CENPP: variants seen among roughly 807,000 people sequenced by gnomAD.
CENPP encodes centromere protein P.
Under a neutral mutation model 35.6 loss-of-function variants are expected in CENPP, and 24 were observed. The observed-to-expected ratio is 0.67, with a 90% confidence interval of 0.49 to 0.95. The LOEUF (loss-of-function observed/expected upper bound fraction) is 0.95, where lower values mean the gene tolerates loss of function less well. CENPP is among the 40% of genes least tolerant of loss of function. The pLI, the probability that CENPP is intolerant of heterozygous loss-of-function variation, is 0.00. For missense variants in CENPP, 332 were observed against 345.3 expected (o/e 0.96, Z 0.31); for synonymous variants, 120 against 125.5 (o/e 0.96, Z 0.29).
At chr9:92,516,064 CTTTT>C (rs869200958) in intron 5 of CENPP, among the ~76,000 whole-genome samples, 8 of 148,730 alleles carry the variant, frequency 5.4e-5, no homozygotes, top group African/African-American at 1.7e-4. Flanking sequence ...ACAGTGCATA[CTTTT>C]TTTTCCCCCC....
At chr9:92,577,470 G>A (rs1013711072) in intron 5 of CENPP, among the ~76,000 whole-genome samples, 2 of 152,148 alleles carry the variant, frequency 1.3e-5, no homozygotes, top group Non-Finnish European at 2.9e-5. Context: ...CAACACCATG[G>A]AGCTACATAC....
intron 4 of CENPP, among the ~76,000 whole-genome samples, chr9:92,367,685 TC>T (rs1841919950): frequency 1.3e-5 from 2 of 152,270 alleles, no homozygotes; most frequent in South Asian, 4.1e-4. Flanking sequence ...TGGTGCGATC[TC>T]GGCTCACTGC....
intron 5 of CENPP, among the ~76,000 whole-genome samples, chr9:92,465,227 A>T (rs1440923946): frequency 6.6e-6 from 1 of 152,218 alleles, no homozygotes; most frequent in Non-Finnish European, 1.5e-5. Flanking sequence ...GCTTTGTATT[A>T]TGTAAACTGG....
At chr9:92,383,928 T>G (rs1178949987) in intron 5 of CENPP, 1 of 152,196 alleles carries the variant, frequency 6.6e-6, no homozygotes, top group African/African-American at 2.4e-5. Flanking sequence ...AAGATTATGA[T>G]AGTTTAAAGA....
At chr9:92,607,163 A>C (rs981832940) in intron 5 of CENPP, among the ~76,000 whole-genome samples, 3 of 152,040 alleles carry the variant, frequency 2.0e-5, no homozygotes, top group African/African-American at 4.8e-5. Flanking sequence ...TCATTAGAGT[A>C]AATTTTTGTA....
chr9:92,438,691 G>T (rs1192451361), intron 5 of CENPP, among the ~76,000 whole-genome samples: 1 of 152,196 alleles, frequency 6.6e-6, no homozygotes. Flanking sequence ...GGTGGTTCTT[G>T]CCTGGAATCC....
chr9:92,460,484 CT>C (rs1479136417), intron 5 of CENPP: 1 of 1,590,292 alleles, frequency 6.3e-7, no homozygotes, highest in South Asian at 1.1e-5. Flanking sequence ...CTTTGTAGTT[CT>C]TTGTATCGTT....
intron 5 of CENPP, among the ~76,000 whole-genome samples, chr9:92,595,651 C>T (rs1850763330): frequency 2.0e-5 from 3 of 151,384 alleles, no homozygotes; most frequent in African/African-American, 7.3e-5. Flanking sequence ...CTGCAACCTC[C>T]GTCTCCTGGG....
chr9:92,416,058 G>GTGTGTGTATATATATATATATATA (rs6151074), intron 5 of CENPP, among the ~76,000 whole-genome samples: 3 of 130,914 alleles, frequency 2.3e-5, no homozygotes, highest in East Asian at 2.2e-4. Context: ...ATATATGTGT[G>GTGTGTGTATATATATATATATATA]TATATATATA....
In CENPP at chr9:92,495,917, AT is replaced by A. The variant is rs1846321262; in HGVS notation, c.565-115395del. ...AATTCTGCCTGCTTTTTTTGTTGTC[AT>A]TATGCTTCTTAATCTTGAACCAAAA... On this transcript the variant is annotated intron_variant, in intron 5 of 7. Coordinates refer to ENST00000375587, the MANE Select transcript of CENPP (RefSeq NM_001012267.3). 5.1e-6 allele frequency: 5 copies of A among 985,410 alleles called. No homozygotes were observed. In the South Asian group the frequency reaches 1.9e-4, roughly 37 times the overall value. 61.0% of individuals were successfully genotyped at this position (985,410 alleles called of 1,614,324 possible). A position where few individuals can be genotyped will look rare whatever the true frequency, so the allele number is the denominator to read the frequency against.
At chr9:92,325,837 C>T (rs1040041325), upstream of CENPP, 2 of 567,744 alleles carry the variant, frequency 3.5e-6, no homozygotes, top group Admixed American at 6.4e-5. Context: ...CGGAGTTGGA[C>T]GTGCAGGGCC....
rs76966531 is a variant in CENPP, at chr9:92,363,539, A to G, written c.468-16224A>G. 4.2e-4 allele frequency among the ~76,000 whole-genome samples: 64 copies of G among 152,294 alleles called. 1 individual carries two copies. In the East Asian group the frequency reaches 0.012, roughly 29 times the overall value. ...ATAGCCTCGGTTTGCAGTAGGCTGT[A>G]CCATTTAGGTTTAAGTACACTGTAT... On this transcript the variant is annotated intron_variant, in intron 4 of 7. Transcript: ENST00000375587.
rs1842601459 is a variant in CENPP, at chr9:92,389,940, G to A, written c.564+10081G>A. The A allele has an allele frequency of 1.2e-6, 2 of 1,612,504 alleles. No individual in the cohort carries two copies. Among genetic ancestry groups the A allele is most frequent in the Admixed American group, 3.3e-5 (2 of 59,986 alleles). On this transcript the variant is annotated intron_variant, in intron 5 of 7. Coordinates refer to ENST00000375587, the MANE Select transcript of CENPP (RefSeq NM_001012267.3). ...GTGAGCTTGGGAGGAAGAACTGGAA[G>A]TTTTAGTAGTTGATTTTCAGCAAGT...
intron 4 of CENPP, among the ~76,000 whole-genome samples, chr9:92,356,813 A>G (rs1248759974): frequency 6.6e-6 from 1 of 152,214 alleles, no homozygotes; most frequent in Admixed American, 6.5e-5. Context: ...TTGGGAACTG[A>G]TAAATGTCCA....
chr9:92,425,337 G>T (rs546354430), intron 5 of CENPP, among the ~76,000 whole-genome samples: 4 of 152,116 alleles, frequency 2.6e-5, no homozygotes, highest in African/African-American at 9.7e-5. Flanking sequence ...CTGTAGTATT[G>T]AATAAAATGG....
At chr9:92,494,272 T>G in intron 5 of CENPP, 1 of 844,500 alleles carries the variant, frequency 1.2e-6, no homozygotes, top group Middle Eastern at 2.3e-4. Flanking sequence ...ATACTAATTT[T>G]GTTTACAGCT....
intron 4 of CENPP, among the ~76,000 whole-genome samples, chr9:92,364,016 T>C (rs971560106): frequency 3.3e-5 from 5 of 151,944 alleles, no homozygotes; most frequent in Admixed American, 2.0e-4. Flanking sequence ...GCCCAGCTAA[T>C]TTTTTGTATT....
At position 92,615,853 on chromosome 9, in the gene CENPP, T is replaced by C. The variant is rs777427476; in HGVS notation, c.*2704T>C. The C allele has an allele frequency of 1.2e-6, 2 of 1,613,786 alleles. No homozygotes were observed. Among genetic ancestry groups the C allele is most frequent in the Non-Finnish European group, 1.7e-6 (2 of 1,179,636 alleles). On this transcript the variant is annotated 3_prime_UTR_variant, in exon 8 of 8. Transcript: ENST00000375587. ...AGAGTTAGACCTTGTGGAGAACTAA[T>C]GTGCAATCTTCGCTTTCCTTGAACC...
At chr9:92,551,955 T>TATATG (rs1849606755) in intron 5 of CENPP, among the ~76,000 whole-genome samples, 1 of 119,748 alleles carries the variant, frequency 8.4e-6, no homozygotes, top group African/African-American at 4.1e-5. Context: ...ATATATATGA[T>TATATG]ATATATATGT....
Sources: allele counts gnomAD v4.1 joint callset (sites outside exome capture counted in the v4.1 genomes callset), GRCh38; gene constraint gnomAD v4.1.1; transcripts MANE v1.5; gene names NCBI Gene and HGNC (gene_info 2026-07-23, HGNC 2026-07-21).